The following GOLGB1 variants were observed in gnomAD, a reference collection of about 807,000 sequenced individuals.
GOLGB1 encodes the protein golgin B1, also known as golgin subfamily B member 1.
Under a neutral mutation model 336.9 loss-of-function variants are expected in GOLGB1, and 174 were observed. That is an observed-to-expected ratio of 0.52 (90% confidence interval 0.46 to 0.59). The LOEUF (loss-of-function observed/expected upper bound fraction) is 0.59. Ranked by LOEUF, GOLGB1 falls within the 20% of genes least tolerant of loss-of-function variation. GOLGB1 has a pLI of 0.00. For missense variants in GOLGB1, 3,331 were observed against 3,645.3 expected, an observed-to-expected ratio of 0.91 and a Z score of 2.22; for synonymous variants, 1,208 against 1,289.2, an observed-to-expected ratio of 0.94 and a Z score of 1.35.
intron 1 of GOLGB1, chr3:121,748,785 C>T (rs1947552180): frequency 9.2e-6 from 9 of 979,870 alleles, no homozygotes; most frequent in Non-Finnish European, 1.1e-5. Context: ...AAGTACTTAC[C>T]CATGATTGTA....
At chr3:121,684,963 C>A (rs1941563922) in intron 14 of GOLGB1, among the ~76,000 whole-genome samples, 1 of 152,044 alleles carries the variant, frequency 6.6e-6, no homozygotes, top group Non-Finnish European at 1.5e-5. Context: ...GAATTTTCTT[C>A]CTGAAGATGA....
Position 121,694,423 on chromosome 3 carries a change from T to G in GOLGB1, c.6100A>C (p.Ile2034Leu). 6.2e-7 allele frequency: 1 copy of G among 1,613,284 alleles called. No homozygotes were observed. The change falls in exon 13 of 22, where the codon ATC becomes CTC. Residue 2034 changes from isoleucine (I) to leucine (L), a missense_variant. By Grantham distance (5) the Ile-to-Leu change is conservative. Coordinates refer to ENST00000614479, the MANE Select transcript of GOLGB1 (RefSeq NM_001366282.2). ...QEVKQLQKDC[I>L]RYQEKISALE... ...GCACTAATTTTCTCTTGATACCTGA[T>G]GCAGTCCTTCTGTAGCTGCTTTACT...
chr3:121,710,604 C>G (rs1220012698), intron 10 of GOLGB1, among the ~76,000 whole-genome samples: 1 of 151,928 alleles, frequency 6.6e-6, no homozygotes, highest in Non-Finnish European at 1.5e-5. Context: ...TTTGGGAGGC[C>G]AAGGGAGGGG....
At chr3:121,743,128 G>A (rs1007110210) in intron 1 of GOLGB1, among the ~76,000 whole-genome samples, 6 of 152,138 alleles carry the variant, frequency 3.9e-5, no homozygotes, top group African/African-American at 1.4e-4. Flanking sequence ...TATACCCAAA[G>A]GATTATAAAT....
Position 121,694,857 on chromosome 3 carries a change from A to G in GOLGB1, c.5666T>C (p.Leu1889Pro). ...LSQISTKDGE[L>P]KMLQEEVTKM... is the part of the protein sequence containing the mutation. ...GGTTACTTCCTCCTGAAGCATTTTT[A>G]GTTCACCATCCTTTGTTGATATCTG... is the stretch of plus-strand genomic sequence containing the variant. The change falls in exon 13 of 22, where the codon CTA becomes CCA. Residue 1889 changes from leucine (L) to proline (P), a missense_variant. By Grantham distance (98) the Leu-to-Pro change is moderately conservative. Coordinates refer to ENST00000614479, the MANE Select transcript of GOLGB1 (RefSeq NM_001366282.2). The G allele has an allele frequency of 1.2e-6, 2 of 1,613,788 alleles. No homozygotes were observed. Among genetic ancestry groups the G allele is most frequent in the Non-Finnish European group, 1.7e-6 (2 of 1,179,900 alleles).
intron 10 of GOLGB1, among the ~76,000 whole-genome samples, chr3:121,705,831 T>C (rs577786947): frequency 6.6e-6 from 1 of 152,316 alleles, no homozygotes; most frequent in Non-Finnish European, 1.5e-5. Context: ...GTGTCAGTTA[T>C]ATAGCCAAAT....
chr3:121,677,496 T>G (rs751087844), intron 15 of GOLGB1, 46 bp from the exon 16 acceptor site: 1 of 1,344,680 alleles, frequency 7.4e-7, no homozygotes, highest in East Asian at 2.3e-5. Flanking sequence ...TACTTGTAAC[T>G]GGGCATGGTA....
chr3:121,694,152 T>G lies in GOLGB1; in HGVS notation c.6371A>C (p.Lys2124Thr). ...CAGTCTTCGCTCAAGATCTTCATCC[T>G]TTTGTTTCATCTGGCTTTTAACTGA... ...KESVKSQMKQ[K>T]DEDLERRLEQ... is the part of the protein sequence containing the mutation. The change falls in exon 13 of 22, where the codon AAG (lysine) becomes ACG (threonine). Residue 2124 changes from lysine (K) to threonine (T), a missense_variant. By Grantham distance (78) the Lys-to-Thr change is moderately conservative (BLOSUM62 -1). Coordinates refer to ENST00000614479, the MANE Select transcript of GOLGB1 (RefSeq NM_001366282.2). The G allele has an allele frequency of 6.2e-7, 1 of 1,613,644 alleles. No homozygotes were observed. Among genetic ancestry groups the G allele is most frequent in the Non-Finnish European group, 8.5e-7 (1 of 1,179,940 alleles).
intron 1 of GOLGB1, among the ~76,000 whole-genome samples, chr3:121,747,137 AT>A (rs1947343737): frequency 7.7e-6 from 1 of 130,362 alleles, no homozygotes; most frequent in Non-Finnish European, 1.6e-5. Context: ...CCTAAGATAT[AT>A]ATACATGGAT....
Position 121,743,609 on chromosome 3 carries a change from T to C in GOLGB1, c.-3+6023A>G, listed in dbSNP as rs147987654. Reference sequence around the variant, plus strand: ...CACATGTACCCTAGAACTTAAAGTATAATAAAAAAAATACAGTTAATCAAA... The same window carrying C: ...CACATGTACCCTAGAACTTAAAGTACAATAAAAAAAATACAGTTAATCAAA... On this transcript the variant is annotated intron_variant, in intron 1 of 21. Coordinates refer to ENST00000614479, the MANE Select transcript of GOLGB1 (RefSeq NM_001366282.2). Among the ~76,000 whole-genome samples the C allele has an allele frequency of 5.7e-4, 87 of 152,172 alleles. 1 individual carries two copies. The East Asian group carries it at 0.017, about 29-fold the overall frequency.
intron 1 of GOLGB1, among the ~76,000 whole-genome samples, chr3:121,732,564 A>T (rs1275941087): frequency 6.6e-6 from 1 of 152,240 alleles, no homozygotes; most frequent in African/African-American, 2.4e-5. Flanking sequence ...GCTAATTCAA[A>T]ATATGAAAAT....
intron 17 of GOLGB1, among the ~76,000 whole-genome samples, chr3:121,675,430 C>A (rs1410577752): frequency 6.6e-6 from 1 of 151,966 alleles, no homozygotes; most frequent in African/African-American, 2.4e-5. Flanking sequence ...CTGGAGAAGC[C>A]CAAATGTCCT....
rs1944941054 is a variant in GOLGB1 at position 121,718,488 on chromosome 3, A to G, written c.785T>C (p.Leu262Pro). 6.2e-7 allele frequency: 1 copy of G among 1,611,430 alleles called. No homozygotes were observed. Among genetic ancestry groups the G allele is most frequent in the African/African-American group, 1.3e-5 (1 of 74,852 alleles). ...ETEMQQKLRV[L>P]QRKLEEHEES... is the part of the protein sequence containing the mutation. ...TTCGTGTTCCTCAAGCTTCCTTTGC[A>G]GCACCCTCAATTTCTGAGAAGAAAA... The change falls in exon 8 of 22, where the codon CTG becomes CCG. Residue 262 changes from leucine (L) to proline (P), a missense_variant. Coordinates refer to ENST00000614479, the MANE Select transcript of GOLGB1 (RefSeq NM_001366282.2).
intron 1 of GOLGB1, among the ~76,000 whole-genome samples, chr3:121,740,942 T>TA (rs1036565468): frequency 6.6e-6 from 1 of 151,420 alleles, no homozygotes. Context: ...TTACTGGACT[T>TA]AAAAAAATCC....
In GOLGB1 at chr3:121,695,192, G is replaced by C. The variant is rs1189851808; in HGVS notation, c.5331C>G (p.Asn1777Lys). Reference protein sequence around the residue: ...QIEGNVSKQANLEATEKHDNQ... With the variant: ...QIEGNVSKQAKLEATEKHDNQ... ...TATCATGTTTCTCGGTGGCCTCTAG[G>C]TTAGCTTGTTTAGATACATTACCTT... The change falls in exon 13 of 22, where the codon AAC becomes AAG. Residue 1777 changes from asparagine to lysine, a missense_variant. Asn to Lys is a moderately conservative substitution (Grantham distance 94). Transcript: ENST00000614479. 6 of 1,611,036 alleles carry C rather than the reference G, an allele frequency of 3.7e-6. No homozygotes were observed. The highest frequency in any genetic ancestry group is 5.1e-6 in the Non-Finnish European group (6 of 1,178,950).
chr3:121,740,825 T>C (rs768602525), intron 1 of GOLGB1, among the ~76,000 whole-genome samples: 1 of 152,072 alleles, frequency 6.6e-6, no homozygotes, highest in Non-Finnish European at 1.5e-5. Flanking sequence ...TCCAAGAATA[T>C]TTATTTGAAA....
chr3:121,718,338 G>C (rs1476280657), intron 8 of GOLGB1, 50 bp downstream of exon 8: 2 of 1,181,664 alleles, frequency 1.7e-6, no homozygotes, highest in Non-Finnish European at 2.5e-6. Flanking sequence ...GCAAACGAAA[G>C]TGGAAATGAA....
intron 14 of GOLGB1, 144 bp from the exon 15 acceptor site, chr3:121,682,009 A>G (rs954423130): frequency 1.9e-5 from 12 of 629,394 alleles, no homozygotes; most frequent in African/African-American, 9.2e-5. Flanking sequence ...TCACTGCAAC[A>G]TAAGTCTCTA....
At chr3:121,741,445 T>A (rs1946851332) in intron 1 of GOLGB1, among the ~76,000 whole-genome samples, 1 of 152,320 alleles carries the variant, frequency 6.6e-6, no homozygotes, top group Non-Finnish European at 1.5e-5. Flanking sequence ...TAAACAGTTT[T>A]CAATAATTAA....
Sources: gnomAD v4.1 joint callset for allele counts (sites outside exome capture counted in the v4.1 genomes callset) on GRCh38, gnomAD v4.1.1 for gene constraint, MANE v1.5 for transcripts, NCBI Gene and HGNC (gene_info 2026-07-23, HGNC 2026-07-21) for gene names.